Variants in DMD observed in about 807,000 individuals in gnomAD.
The protein encoded by DMD is mutant dystrophin.
A neutral mutation model predicts 330.1 loss-of-function variants in DMD; 63 were observed. The observed-to-expected ratio is 0.19, with a 90% CI of 0.16 to 0.24. DMD has a LOEUF of 0.24. DMD is among the 10% of genes least tolerant of loss of function. DMD has a pLI of 1.00. For missense variants in DMD, 3,344 were observed against 2,684.1 expected, an observed-to-expected ratio of 1.25 and a Z score of -5.43; for synonymous variants, 1,223 against 959.8, an observed-to-expected ratio of 1.27 and a Z score of -5.07.
intron 62 of DMD, among the ~76,000 whole-genome samples, chrX:31,313,902 C>A (rs1280518642): frequency 9.3e-6 from 1 of 107,260 alleles, no homozygotes; most frequent in Admixed American, 1.0e-4. Flanking sequence ...GGTGTGATCT[C>A]GGCTCACTGC....
intron 29 of DMD, among the ~76,000 whole-genome samples, chrX:32,429,438 C>A (rs142176112): frequency 2.5e-5 from 2 of 80,100 alleles, no homozygotes; most frequent in Non-Finnish European, 4.4e-5. Context: ...CCAGGTATCA[C>A]CTTGTTGGCA....
At chrX:31,322,209 T>C (rs911559778) in intron 62 of DMD, among the ~76,000 whole-genome samples, 12 of 111,927 alleles carry the variant, frequency 1.1e-4, no homozygotes, top group Admixed American at 8.5e-4. Flanking sequence ...TCAAACATCT[T>C]AGTCGGAAAT....
At chrX:33,206,869 A>AT (rs61385575) in intron 1 of DMD, among the ~76,000 whole-genome samples, 19,289 of 107,457 alleles carry the variant, frequency 0.18, 1,920 homozygotes, top group African/African-American at 0.35. Flanking sequence ...TTTTTATTTT[A>AT]TTTTTTTTTA....
At chrX:31,719,826 C>A (rs903494028) in intron 52 of DMD, among the ~76,000 whole-genome samples, 2 of 111,335 alleles carry the variant, frequency 1.8e-5, no homozygotes, top group Non-Finnish European at 1.9e-5. Flanking sequence ...TAGAGGGAAA[C>A]CAACTAGACA....
chrX:33,066,831 A>G (rs1421372431), intron 1 of DMD, among the ~76,000 whole-genome samples: 3 of 111,994 alleles, frequency 2.7e-5, no homozygotes, highest in Non-Finnish European at 3.8e-5. Flanking sequence ...TTTTTTCTCA[A>G]TGGGAGAAAT....
At chrX:32,266,237 T>A (rs1180682160) in intron 43 of DMD, among the ~76,000 whole-genome samples, 2 of 111,443 alleles carry the variant, frequency 1.8e-5, no homozygotes, top group Non-Finnish European at 3.8e-5. Context: ...GCACTTCTCC[T>A]TTCTGCCACC....
intron 60 of DMD, among the ~76,000 whole-genome samples, chrX:31,425,511 A>G (rs751548741): frequency 1.8e-4 from 20 of 111,708 alleles, no homozygotes; most frequent in African/African-American, 6.6e-4. Flanking sequence ...GCAACAAAGG[A>G]CACAGCTCTG....
chrX:32,079,493 G>GC (rs2096376103), intron 44 of DMD, among the ~76,000 whole-genome samples: 1 of 111,197 alleles, frequency 9.0e-6, no homozygotes, highest in Admixed American at 9.6e-5. Context: ...TATTTGGGAG[G>GC]CGGAGGCACA....
At chrX:32,581,463 G>A (rs1210600884) in intron 13 of DMD, among the ~76,000 whole-genome samples, 3 of 111,324 alleles carry the variant, frequency 2.7e-5, no homozygotes, top group African/African-American at 9.8e-5. Flanking sequence ...TCAAACAATG[G>A]TAGCTAATAA....
chrX:32,624,807 T>C (rs1052799328), intron 11 of DMD, among the ~76,000 whole-genome samples: 4 of 112,160 alleles, frequency 3.6e-5, no homozygotes, highest in African/African-American at 1.3e-4. Flanking sequence ...CCCCCGGACA[T>C]GAAAACGTAT....
intron 17 of DMD, among the ~76,000 whole-genome samples, chrX:32,530,015 T>G (rs1159870814): frequency 8.9e-6 from 1 of 112,205 alleles, no homozygotes; most frequent in Admixed American, 9.4e-5. Context: ...TGATTTCAGA[T>G]TGCACTGAAA....
chrX:32,470,103 C>T (rs974257196), intron 22 of DMD, among the ~76,000 whole-genome samples: 3 of 110,386 alleles, frequency 2.7e-5, no homozygotes, highest in African/African-American at 6.6e-5. Flanking sequence ...ATTTAGTATG[C>T]AAAAAAAATT....
intron 55 of DMD, among the ~76,000 whole-genome samples, chrX:31,587,474 TA>T (rs1346085499): frequency 8.9e-6 from 1 of 112,394 alleles, no homozygotes; most frequent in Admixed American, 9.4e-5. Context: ...ACAAGATAAT[TA>T]AAAATCAGTT....
At chrX:32,053,383 C>T (rs2096132855) in intron 44 of DMD, among the ~76,000 whole-genome samples, 1 of 110,388 alleles carries the variant, frequency 9.1e-6, no homozygotes, top group East Asian at 2.9e-4. Context: ...ATCATTTGGT[C>T]CTGTAGTAGT....
intron 67 of DMD, among the ~76,000 whole-genome samples, chrX:31,195,473 A>G (rs148789544): frequency 0.022 from 2,499 of 111,824 alleles, 29 homozygotes; most frequent in Middle Eastern, 0.032. Flanking sequence ...ATATCTGTCT[A>G]TAGGTACCAT....
intron 1 of DMD, among the ~76,000 whole-genome samples, chrX:33,190,966 TA>T (rs1409702441): frequency 3.8e-3 from 5 of 1,314 alleles, no homozygotes; most frequent in Non-Finnish European, 8.2e-3. Context: ...TATATATATA[TA>T]ATATATAATA....
intron 44 of DMD, among the ~76,000 whole-genome samples, chrX:32,117,094 C>T (rs1174120618): frequency 3.6e-5 from 4 of 111,059 alleles, no homozygotes; most frequent in African/African-American, 9.8e-5. Flanking sequence ...AGTAAATTTC[C>T]TCATGTTTCT....
intron 29 of DMD, among the ~76,000 whole-genome samples, chrX:32,431,175 T>C (rs2098236825): frequency 9.0e-6 from 1 of 111,100 alleles, no homozygotes; most frequent in Non-Finnish European, 1.9e-5. Flanking sequence ...GAATTAACAT[T>C]CCTGCCATCA....
intron 74 of DMD, among the ~76,000 whole-genome samples, chrX:31,157,667 G>A (rs1386039134): frequency 9.0e-6 from 1 of 111,364 alleles, no homozygotes; most frequent in Non-Finnish European, 1.9e-5. Context: ...TGCGTAGTTA[G>A]ACTTAGTCTT....
Sources: allele counts gnomAD v4.1 joint callset (sites outside exome capture counted in the v4.1 genomes callset), GRCh38; gene constraint gnomAD v4.1.1; transcripts MANE v1.5; gene names NCBI Gene and HGNC (gene_info 2026-07-23, HGNC 2026-07-21).